The following DOP1B variants were observed in gnomAD, a reference collection of about 807,000 sequenced individuals.
DOP1B encodes DOP1 leucine zipper like protein B.
In DOP1B, 174 loss-of-function variants were observed where a neutral mutation model predicts 233.5. That is an observed-to-expected ratio of 0.75 (90% CI 0.66 to 0.85). The LOEUF (loss-of-function observed/expected upper bound fraction) is 0.85. Among genes scored for constraint, DOP1B ranks in the 40% least tolerant of loss-of-function variants. The pLI is 0.00. For missense variants in DOP1B, 2,652 were observed against 2,846.6 expected, an observed-to-expected ratio of 0.93 and a Z score of 1.56; for synonymous variants, 1,190 against 1,185.6, an observed-to-expected ratio of 1.00 and a Z score of -0.08.
intron 23 of DOP1B, among the ~76,000 whole-genome samples, chr21:36,260,184 T>A (rs1300495605): frequency 3.8e-4 from 26 of 68,844 alleles, no homozygotes; most frequent in South Asian, 4.1e-4. Context: ...AAAGAAGGAA[T>A]GCAAAGAAAG....
intron 23 of DOP1B, among the ~76,000 whole-genome samples, chr21:36,257,687 G>GA (rs1315863410): frequency 6.8e-6 from 1 of 146,634 alleles, no homozygotes; most frequent in Non-Finnish European, 1.5e-5. Flanking sequence ...GGTAGATGTA[G>GA]GTAGGTAGGT....
intron 27 of DOP1B, among the ~76,000 whole-genome samples, chr21:36,275,313 G>A (rs978230916): frequency 1.3e-5 from 2 of 152,170 alleles, no homozygotes; most frequent in Non-Finnish European, 2.9e-5. Flanking sequence ...TTTGATAGGA[G>A]TCAGGAACAT....
At chr21:36,258,069 G>A (rs2067128436) in intron 23 of DOP1B, among the ~76,000 whole-genome samples, 1 of 151,902 alleles carries the variant, frequency 6.6e-6, no homozygotes, top group African/African-American at 2.4e-5. Flanking sequence ...AGGTAGGTAG[G>A]TAGATGTAGG....
At chr21:36,247,957 C>CAGT (rs1196583122) in intron 20 of DOP1B, among the ~76,000 whole-genome samples, 1 of 152,250 alleles carries the variant, frequency 6.6e-6, no homozygotes, top group Non-Finnish European at 1.5e-5. Context: ...ATTGTTCCAT[C>CAGT]AGTAGCCTGT....
chr21:36,243,942 C>G (rs190454627), intron 18 of DOP1B, among the ~76,000 whole-genome samples: 1 of 150,674 alleles, frequency 6.6e-6, no homozygotes, highest in African/African-American at 2.4e-5. Flanking sequence ...GCCTCCCAAA[C>G]AATCCTCCTA....
In DOP1B at chr21:36,197,880, G is replaced by C. The variant is rs113602661; in HGVS notation, c.139-1190G>C. 2.0e-5 allele frequency among the ~76,000 whole-genome samples: 3 copies of C among 151,998 alleles called. No homozygotes were observed. The East Asian group carries it at 5.8e-4, about 30-fold the overall frequency. On this transcript the variant is annotated intron_variant, in intron 2 of 36. Coordinates refer to ENST00000691173, the MANE Select transcript of DOP1B (RefSeq NM_001320714.2). ...CAAAAAATTAGCTGGATGTGGTGGCGTGTGCCTGTAATCCCAGCTACTCAG... is the reference window on the plus strand; with the variant it reads ...CAAAAAATTAGCTGGATGTGGTGGCCTGTGCCTGTAATCCCAGCTACTCAG...
intron 21 of DOP1B, 75 bp downstream of exon 21, chr21:36,248,643 A>G: frequency 2.1e-6 from 3 of 1,430,690 alleles, no homozygotes; most frequent in South Asian, 1.5e-5. Flanking sequence ...GTGTATAGGA[A>G]AGTGTGCATG....
intron 5 of DOP1B, among the ~76,000 whole-genome samples, chr21:36,210,954 G>A (rs1309289396): frequency 6.6e-6 from 1 of 152,178 alleles, no homozygotes; most frequent in Non-Finnish European, 1.5e-5. Flanking sequence ...ACTGCCACAG[G>A]GCCTGGCCTC....
At chr21:36,273,409 C>CA (rs146353684) in intron 27 of DOP1B, among the ~76,000 whole-genome samples, 22,689 of 141,390 alleles carry the variant, frequency 0.16, 1,876 homozygotes, top group East Asian at 0.35. Context: ...AACTCCATCT[C>CA]AAAAAAAAAA....
At chr21:36,254,076 G>C (rs1459314172) in intron 23 of DOP1B, among the ~76,000 whole-genome samples, 167 bp downstream of exon 23, 1 of 152,144 alleles carries the variant, frequency 6.6e-6, no homozygotes, top group Non-Finnish European at 1.5e-5. Flanking sequence ...CTTTGGGGGA[G>C]ACCTATGAAG....
chr21:36,226,802 C>G (rs998091071), intron 12 of DOP1B, among the ~76,000 whole-genome samples: 1 of 152,152 alleles, frequency 6.6e-6, no homozygotes, highest in Non-Finnish European at 1.5e-5. Context: ...CTGTGTTGCC[C>G]AGGCTGGTCT....
At position 36,292,407 on chromosome 21, in the gene DOP1B, C is replaced by T. The variant is rs574965381; in HGVS notation, c.6645+174C>T. Among the ~76,000 whole-genome samples, 11 of 151,714 alleles carry T rather than the reference C, an allele frequency of 7.3e-5. No homozygotes were observed. In the East Asian group the frequency reaches 1.9e-3, roughly 27 times the overall value. On this transcript the variant is annotated intron_variant, in intron 36 of 36. Transcript: ENST00000691173. The stretch of plus-strand genomic sequence containing the variant: ...GAGTAGCTGGGATTACAGGAATGTG[C>T]CACCACACCTGGCTAATTTTGTTTT...
intron 2 of DOP1B, among the ~76,000 whole-genome samples, chr21:36,184,194 G>GCA: frequency 6.6e-6 from 1 of 152,024 alleles, no homozygotes; most frequent in Admixed American, 6.6e-5. Context: ...GATTACAGAT[G>GCA]TGCACCACCA....
intron 2 of DOP1B, among the ~76,000 whole-genome samples, chr21:36,196,998 A>G (rs1037995224): frequency 1.3e-5 from 2 of 150,378 alleles, no homozygotes; most frequent in African/African-American, 2.5e-5. Context: ...GCTAGAGTGC[A>G]GTTGGCTCAC....
chr21:36,230,170 A>G (rs1318466199), intron 13 of DOP1B, among the ~76,000 whole-genome samples: 1 of 152,166 alleles, frequency 6.6e-6, no homozygotes, highest in Non-Finnish European at 1.5e-5. Context: ...TGAACTCTAA[A>G]GGGGTTATAT....
intron 26 of DOP1B, among the ~76,000 whole-genome samples, chr21:36,269,151 GT>G (rs1465062098): frequency 6.6e-6 from 1 of 152,024 alleles, no homozygotes; most frequent in Non-Finnish European, 1.5e-5. Context: ...TGATTAATAG[GT>G]TGTTTTTGTT....
intron 23 of DOP1B, among the ~76,000 whole-genome samples, chr21:36,257,684 G>A (rs540007705): frequency 7.4e-6 from 1 of 135,352 alleles, no homozygotes; most frequent in Non-Finnish European, 1.6e-5. Flanking sequence ...GTAGGTAGAT[G>A]TAGGTAGGTA....
Position 36,288,040 on chromosome 21 carries a change from G to A in DOP1B, c.6187G>A (p.Gly2063Arg), listed in dbSNP as rs1658605127. The change falls in exon 33 of 37, where the codon GGA (glycine) becomes AGA (arginine). Residue 2063 changes from glycine to arginine, a missense_variant. This residue lies in a region of DOP1B where 2,617 missense variants were observed against 2,794.3 expected (regional missense o/e 0.94). Transcript: ENST00000691173. ...ACGCCTGACAGACAATCTCAGAGTT[G>A]GACAGACATCCATAGTTGCTGCTCA... ...QERLTDNLRV[G>R]QTSIVAAQMF... 3.7e-6 allele frequency: 6 copies of A among 1,613,882 alleles called. No individual in the cohort carries two copies. The Admixed American group carries it at 5.0e-5, about 13-fold the overall frequency.
chr21:36,171,529 A>G (rs1432943917), intron 2 of DOP1B, among the ~76,000 whole-genome samples: 1 of 152,144 alleles, frequency 6.6e-6, no homozygotes, highest in Admixed American at 6.5e-5. Flanking sequence ...CTGATGAAAA[A>G]GGGGAAATGT....
Sources: allele counts gnomAD v4.1 joint callset (sites outside exome capture counted in the v4.1 genomes callset), GRCh38; gene constraint gnomAD v4.1.1; regional missense constraint gnomAD v4.1.1; transcripts MANE v1.5; gene names NCBI Gene and HGNC (gene_info 2026-07-23, HGNC 2026-07-21).